Variants in WWOX observed in about 807,000 individuals in gnomAD.
WWOX encodes WW domain containing oxidoreductase, also known as WW domain-containing oxidoreductase.
A neutral mutation model predicts 46.2 loss-of-function variants in WWOX; 69 were observed. The observed-to-expected ratio is 1.49, with a 90% confidence interval of 1.23 to 1.82. The LOEUF (loss-of-function observed/expected upper bound fraction) is 1.82. Among genes scored for constraint, WWOX ranks in the 40% most tolerant of loss-of-function variants. The pLI is 0.00. For missense variants in WWOX, 919 were observed against 542.6 expected, an observed-to-expected ratio of 1.69 and a Z score of -6.89; for synonymous variants, 359 against 202.6, an observed-to-expected ratio of 1.77 and a Z score of -6.56.
chr16:78,948,780 G>A (rs765081928), intron 8 of WWOX, among the ~76,000 whole-genome samples: 4 of 152,076 alleles, frequency 2.6e-5, no homozygotes, highest in Non-Finnish European at 5.9e-5. Context: ...TGACAAAAGG[G>A]ACCTTGCAGA....
intron 8 of WWOX, among the ~76,000 whole-genome samples, chr16:78,826,610 G>T (rs144542802): frequency 1.3e-5 from 2 of 152,224 alleles, no homozygotes; most frequent in African/African-American, 4.8e-5. Flanking sequence ...GAAGACACTT[G>T]TTTTTGGATT....
intron 8 of WWOX, among the ~76,000 whole-genome samples, chr16:79,073,898 G>A (rs1233603835): frequency 2.0e-5 from 3 of 151,824 alleles, no homozygotes; most frequent in Non-Finnish European, 4.4e-5. Context: ...CTTATATTTT[G>A]TATGTCCTTT....
intron 8 of WWOX, among the ~76,000 whole-genome samples, chr16:78,735,608 C>A (rs1371676043): frequency 1.3e-5 from 2 of 152,240 alleles, no homozygotes; most frequent in Non-Finnish European, 2.9e-5. Flanking sequence ...AGGCATGGGC[C>A]TGCCCTGTAC....
At chr16:78,253,155 C>G (rs1331130665) in intron 5 of WWOX, among the ~76,000 whole-genome samples, 1 of 152,070 alleles carries the variant, frequency 6.6e-6, no homozygotes, top group African/African-American at 2.4e-5. Flanking sequence ...TTTTGGTATT[C>G]TCCCTATATC....
intron 5 of WWOX, among the ~76,000 whole-genome samples, chr16:78,207,247 G>T (rs1011817313): frequency 1.3e-5 from 2 of 152,048 alleles, no homozygotes; most frequent in African/African-American, 4.8e-5. Context: ...TTTTCTTTTT[G>T]TATATATTTA....
chr16:78,875,888 C>T (rs184283216), intron 8 of WWOX, among the ~76,000 whole-genome samples: 7 of 152,286 alleles, frequency 4.6e-5, no homozygotes, highest in African/African-American at 1.7e-4. Flanking sequence ...TTAGTAGAAA[C>T]TTGTTCTAAT....
In WWOX at chr16:78,215,487, C is replaced by T. The variant is rs369074007; in HGVS notation, c.516+51198C>T. 1.4e-4 allele frequency among the ~76,000 whole-genome samples: 21 copies of T among 152,278 alleles called. No homozygotes were observed. In the East Asian group the frequency reaches 2.1e-3, roughly 15 times the overall value. Reference sequence around the variant, plus strand: ...CTTCATTCTCTTTCCTGCTGCTTTGCGAAGAAGGTGCTTGCTTCTGCTTTG... The same window carrying T: ...CTTCATTCTCTTTCCTGCTGCTTTGTGAAGAAGGTGCTTGCTTCTGCTTTG... On this transcript the variant is annotated intron_variant, in intron 5 of 8. Coordinates refer to ENST00000566780, the MANE Select transcript of WWOX (RefSeq NM_016373.4).
At chr16:79,136,234 C>T (rs1233111862) in intron 8 of WWOX, among the ~76,000 whole-genome samples, 3 of 142,340 alleles carry the variant, frequency 2.1e-5, no homozygotes, top group East Asian at 2.0e-4. Flanking sequence ...GTCACTTCTT[C>T]TTTTTTTTTT....
chr16:78,256,282 T>C (rs1274817616), intron 5 of WWOX, among the ~76,000 whole-genome samples: 2 of 151,732 alleles, frequency 1.3e-5, no homozygotes, highest in Admixed American at 6.6e-5. Flanking sequence ...CTCTCCTAAA[T>C]GAGGAGAACC....
intron 8 of WWOX, among the ~76,000 whole-genome samples, chr16:79,038,701 C>T (rs528541113): frequency 5.5e-4 from 84 of 152,118 alleles, no homozygotes; most frequent in Non-Finnish European, 1.1e-3. Flanking sequence ...AGGCACCCAC[C>T]ACCACACCCA....
chr16:78,693,901 G>C (rs1251556041), intron 8 of WWOX, among the ~76,000 whole-genome samples: 1 of 152,038 alleles, frequency 6.6e-6, no homozygotes, highest in African/African-American at 2.4e-5. Flanking sequence ...GAGTTAAGCA[G>C]ACTCGGCAAC....
At chr16:78,283,639 T>G (rs1004898440) in intron 5 of WWOX, among the ~76,000 whole-genome samples, 4 of 152,108 alleles carry the variant, frequency 2.6e-5, no homozygotes, top group Admixed American at 2.6e-4. Context: ...GCTCTCCTCC[T>G]TTAGAAAACG....
chr16:79,008,823 G>C (rs2047242611), intron 8 of WWOX, among the ~76,000 whole-genome samples: 3 of 152,200 alleles, frequency 2.0e-5, no homozygotes, highest in Admixed American at 2.0e-4. Context: ...TGCACCTGCA[G>C]CCGGAGACCA....
At position 78,388,603 on chromosome 16, in the gene WWOX, C is replaced by T. The variant is rs186220715; in HGVS notation, c.605+1655C>T. ...CAGAGGTTGCAGTGAGCCAAGATGG[C>T]ACCACTGCACTCCAGCCTGGCGACA... On this transcript the variant is annotated intron_variant, in intron 6 of 8. Coordinates refer to ENST00000566780, the MANE Select transcript of WWOX (RefSeq NM_016373.4). Among the ~76,000 whole-genome samples, 258 of 125,462 alleles carry T rather than the reference C, an allele frequency of 2.1e-3. 1 individual carries two copies. Among genetic ancestry groups the T allele is most frequent in the African/African-American group, 7.1e-3 (241 of 34,030 alleles). The allele number at this position is 125,462 out of a possible 152,430, so 82.3% of individuals were successfully genotyped here.
At chr16:78,306,287 G>T (rs967998200) in intron 5 of WWOX, among the ~76,000 whole-genome samples, 7 of 152,178 alleles carry the variant, frequency 4.6e-5, no homozygotes, top group Non-Finnish European at 1.0e-4. Flanking sequence ...AATAATTACA[G>T]TATACGATTC....
chr16:78,225,319 A>G (rs1203707888), intron 5 of WWOX, among the ~76,000 whole-genome samples: 2 of 152,202 alleles, frequency 1.3e-5, no homozygotes, highest in Non-Finnish European at 2.9e-5. Context: ...ATCTGATGGG[A>G]TCGGCATTGT....
chr16:78,154,339 A>G (rs1366974472), intron 4 of WWOX, among the ~76,000 whole-genome samples: 2 of 152,104 alleles, frequency 1.3e-5, no homozygotes, highest in African/African-American at 2.4e-5. Context: ...AATATGAATA[A>G]TAACTCATAG....
rs1453018495 is a variant in WWOX, at chr16:78,422,660, CATGTAT to C, written c.606-2207_606-2202del. Reference sequence around the variant, plus strand: ...TGTGCCCAGCCTCCTGTTTTTTTTACATGTATATATATATATATATATATACACACA... The same window carrying C: ...TGTGCCCAGCCTCCTGTTTTTTTTACATATATATATATATATATACACACA... On this transcript the variant is annotated intron_variant, in intron 6 of 8. Coordinates refer to ENST00000566780, the MANE Select transcript of WWOX (RefSeq NM_016373.4). Among the ~76,000 whole-genome samples the C allele has an allele frequency of 1.2e-3, 8 of 6,526 alleles. 1 individual carries two copies. The highest frequency in any genetic ancestry group is 4.0e-3 in the Non-Finnish European group (7 of 1,732). 4.3% of individuals were successfully genotyped at this position (6,526 alleles called of 152,430 possible).
At chr16:78,866,828 C>T (rs948413880) in intron 8 of WWOX, among the ~76,000 whole-genome samples, 1 of 152,182 alleles carries the variant, frequency 6.6e-6, no homozygotes, top group South Asian at 2.1e-4. Context: ...CTGGCCTTTC[C>T]AGTTTTTCTT....
Sources: gnomAD v4.1 joint callset for allele counts (sites outside exome capture counted in the v4.1 genomes callset) on GRCh38, gnomAD v4.1.1 for gene constraint, MANE v1.5 for transcripts, NCBI Gene and HGNC (gene_info 2026-07-23, HGNC 2026-07-21) for gene names.